GPALPP1: variants seen among roughly 807,000 people sequenced by gnomAD.
GPALPP1 encodes GPALPP motifs-containing protein 1.
A neutral mutation model predicts 38.9 loss-of-function variants in GPALPP1; 30 were observed. The ratio of observed to expected loss-of-function variants is 0.77; its 90% CI spans 0.58 to 1.05. The LOEUF is 1.05. Ranked by LOEUF, GPALPP1 falls within the 50% of genes least tolerant of loss-of-function variation. The probability of loss-of-function intolerance (pLI) is 0.00; values close to 1 mark genes in which losing one functional copy is unlikely to be tolerated. For missense variants in GPALPP1, 384 were observed against 408.8 expected, an observed-to-expected ratio of 0.94 and a Z score of 0.52; for synonymous variants, 120 against 139.2, an observed-to-expected ratio of 0.86 and a Z score of 0.97.
rs572148207 is a variant in GPALPP1, at chr13:44,992,167, T to C, written c.88+2425T>C. 3.3e-5 allele frequency among the ~76,000 whole-genome samples: 5 copies of C among 152,342 alleles called. No homozygotes were observed. In the South Asian group the frequency reaches 1.0e-3, roughly 32 times the overall value. On this transcript the variant is annotated intron_variant, in intron 1 of 7. Coordinates refer to ENST00000379151, the MANE Select transcript of GPALPP1 (RefSeq NM_018559.5). ...GTTGTTCCACATTCTAATATTTAGT[T>C]TTTTTCTTTTAAATCCGGTGGTTTG...
At chr13:45,015,176 TTTG>T in intron 5 of GPALPP1, 93 bp downstream of exon 5, 1 of 831,654 alleles carries the variant, frequency 1.2e-6, no homozygotes, top group Non-Finnish European at 1.7e-6. Context: ...TTTAATATAT[TTTG>T]TTTTTATGCA....
intron 1 of GPALPP1, 100 bp from the exon 2 acceptor site, chr13:45,004,205 C>T: frequency 1.2e-6 from 1 of 859,062 alleles, no homozygotes; most frequent in Non-Finnish European, 1.8e-6. Flanking sequence ...TGATAGACAG[C>T]CAGTGCTGTT....
At chr13:44,997,763 C>G (rs1375610064) in intron 1 of GPALPP1, among the ~76,000 whole-genome samples, 2 of 152,136 alleles carry the variant, frequency 1.3e-5, no homozygotes, top group Admixed American at 1.3e-4. Flanking sequence ...CATGGTCCAC[C>G]CATTCATCCA....
intron 7 of GPALPP1, 60 bp from the exon 8 acceptor site, chr13:45,027,725 T>G: frequency 1.3e-6 from 1 of 793,410 alleles, no homozygotes; most frequent in Non-Finnish European, 2.1e-6. Flanking sequence ...CATGGTCATA[T>G]TCTGTCAATA....
intron 1 of GPALPP1, among the ~76,000 whole-genome samples, chr13:44,995,873 T>C (rs893090322): frequency 6.6e-6 from 1 of 152,164 alleles, no homozygotes; most frequent in African/African-American, 2.4e-5. Flanking sequence ...CCACAGTGTT[T>C]GTGGTGAGGG....
At chr13:44,996,517 A>C (rs1873287586) in intron 1 of GPALPP1, among the ~76,000 whole-genome samples, 1 of 150,478 alleles carries the variant, frequency 6.6e-6, no homozygotes, top group Non-Finnish European at 1.5e-5. Context: ...ACAGCATCTC[A>C]CTGTCATCCT....
At chr13:44,992,870 G>T (rs138821971) in intron 1 of GPALPP1, among the ~76,000 whole-genome samples, 1 of 152,110 alleles carries the variant, frequency 6.6e-6, no homozygotes, top group Non-Finnish European at 1.5e-5. Flanking sequence ...TTGTTGTGCG[G>T]TCATCACCAC....
At chr13:44,993,750 C>T (rs1566070678) in intron 1 of GPALPP1, among the ~76,000 whole-genome samples, 1 of 150,256 alleles carries the variant, frequency 6.7e-6, no homozygotes, top group South Asian at 2.1e-4. Flanking sequence ...TTTACATTCC[C>T]ACTAGCACTG....
At chr13:45,036,891 AG>A (rs1239713974) in exon 8 of GPALPP1, 25 of 152,294 alleles carry the variant, frequency 1.6e-4, no homozygotes, top group African/African-American at 5.5e-4. Context: ...CAAGAGTTCA[AG>A]GCTGCAGTGA....
At position 45,014,986 on chromosome 13, in the gene GPALPP1, G is replaced by A. The variant is rs775026805; in HGVS notation, c.443G>A (p.Gly148Glu). 1 of 1,606,960 alleles carries A rather than the reference G, an allele frequency of 6.2e-7. No individual in the cohort carries two copies. Among genetic ancestry groups the A allele is most frequent in the Non-Finnish European group, 8.5e-7 (1 of 1,175,060 alleles). Residue 148 changes from glycine to glutamate, a missense_variant, in exon 5 of 8, where the codon GGA becomes GAA. Transcript: ENST00000379151. Reference protein sequence around the residue: ...TDSSEDEDIIGPMPAKGPVNY... With the variant: ...TDSSEDEDIIEPMPAKGPVNY... The stretch of plus-strand genomic sequence containing the variant: ...AGCAGTGAAGATGAGGATATTATTG[G>A]ACCAATGCCTGCAAAAGGACCAGTT...
At chr13:45,033,789 A>G (rs1162549479), downstream of GPALPP1, 1 of 152,240 alleles carries the variant, frequency 6.6e-6, no homozygotes, top group Non-Finnish European at 1.5e-5. Flanking sequence ...TAATATAACT[A>G]TACAGATATT....
chr13:45,006,310 A>C lies in GPALPP1; in HGVS notation c.323+7A>C. On this transcript the variant is annotated splice_region_variant and intron_variant, in intron 3 of 7. Transcript: ENST00000379151. Reference sequence around the variant, plus strand: ...AGGATGATTCTCCTCCAAGGTGATAATGTGTAATATTTTAGGCCAGTCTTT... The same window carrying C: ...AGGATGATTCTCCTCCAAGGTGATACTGTGTAATATTTTAGGCCAGTCTTT... 1.4e-6 allele frequency: 2 copies of C among 1,427,346 alleles called. No individual in the cohort carries two copies. The highest frequency in any genetic ancestry group is 2.0e-6 in the Non-Finnish European group (2 of 1,019,242). The allele number at this position is 1,427,346 out of a possible 1,614,324, so 88.4% of individuals were successfully genotyped here.
At chr13:45,033,944 G>C (rs1446614615), downstream of GPALPP1, 1 of 152,184 alleles carries the variant, frequency 6.6e-6, no homozygotes, top group East Asian at 1.9e-4. Context: ...GTTTGAGTAT[G>C]AGTTTCTTTG....
At chr13:45,003,963 T>TG (rs1873881340) in intron 1 of GPALPP1, among the ~76,000 whole-genome samples, 1 of 152,108 alleles carries the variant, frequency 6.6e-6, no homozygotes, top group East Asian at 1.9e-4. Context: ...TTTGTTTGTT[T>TG]TTTTGTTTTT....
intron 7 of GPALPP1, among the ~76,000 whole-genome samples, chr13:45,024,147 CTGTGTGTGTGTGTGTG>C (rs58048658): frequency 0.29 from 6,696 of 23,152 alleles, 1,668 homozygotes; most frequent in Middle Eastern, 0.39. Context: ...CCCTAAAACT[CTGTGTGTGTGTGTGTG>C]TGTGTGTGTG....
intron 4 of GPALPP1, among the ~76,000 whole-genome samples, chr13:45,010,837 T>G (rs1874418946): frequency 6.6e-6 from 1 of 151,916 alleles, no homozygotes; most frequent in Non-Finnish European, 1.5e-5. Context: ...TACAAAAAAA[T>G]AGCTAGGCAT....
At chr13:44,999,640 C>A (rs193070088) in intron 1 of GPALPP1, among the ~76,000 whole-genome samples, 118 of 152,242 alleles carry the variant, frequency 7.8e-4, no homozygotes, top group Admixed American at 1.4e-3. Context: ...AGTGCAGTGG[C>A]GTGATCTTGG....
intron 3 of GPALPP1, among the ~76,000 whole-genome samples, chr13:45,007,187 A>G (rs1052564605): frequency 1.3e-5 from 2 of 152,138 alleles, no homozygotes; most frequent in African/African-American, 4.8e-5. Flanking sequence ...GTGGCTCTCA[A>G]AGCCTAAGAG....
At chr13:44,991,304 A>G (rs573682986) in intron 1 of GPALPP1, among the ~76,000 whole-genome samples, 1 of 149,556 alleles carries the variant, frequency 6.7e-6, no homozygotes, top group Non-Finnish European at 1.5e-5. Flanking sequence ...AAAATTAGCC[A>G]GGCATGGTGG....
Sources: gnomAD v4.1 joint callset for allele counts (sites outside exome capture counted in the v4.1 genomes callset) on GRCh38, gnomAD v4.1.1 for gene constraint, MANE v1.5 for transcripts, NCBI Gene and HGNC (gene_info 2026-07-23, HGNC 2026-07-21) for gene names.